The following ETNPPL variants were observed in gnomAD, a reference collection of about 807,000 sequenced individuals.
The protein encoded by ETNPPL is alanine--glyoxylate aminotransferase 2-like 1.
A neutral mutation model predicts 55.5 loss-of-function variants in ETNPPL; 30 were observed. The ratio of observed to expected loss-of-function variants is 0.54; its 90% CI spans 0.40 to 0.73. ETNPPL has a LOEUF of 0.73. Among genes scored for constraint, ETNPPL ranks in the 30% least tolerant of loss-of-function variants. The pLI is 0.00. For missense variants in ETNPPL, 528 were observed against 607.9 expected, an observed-to-expected ratio of 0.87 and a Z score of 1.38; for synonymous variants, 202 against 207.2, an observed-to-expected ratio of 0.98 and a Z score of 0.21.
In ETNPPL at chr4:108,762,861, A is replaced by G. The variant is rs764517166; in HGVS notation, c.38T>C (p.Leu13Pro). ...CCCTTACCCGATGTGCTTCTTCCTC[A>G]GCCCCAGAGTGTCCCGCTTACTGTA... ...ELYSKRDTLG[L>P]RKKHIGPSCK... The change falls in exon 1 of 13, where the codon CTG becomes CCG. Residue 13 changes from leucine (L) to proline (P), a missense_variant. Coordinates refer to ENST00000296486, the MANE Select transcript of ETNPPL (RefSeq NM_031279.4). The G allele has an allele frequency of 1.2e-4, 187 of 1,613,954 alleles. No homozygotes were observed. The highest frequency in any genetic ancestry group is 1.5e-4 in the Non-Finnish European group (176 of 1,179,952).
chr4:108,753,758 A>AAGAAAGAG (rs1729031837), intron 5 of ETNPPL, among the ~76,000 whole-genome samples: 2 of 119,354 alleles, frequency 1.7e-5, no homozygotes, highest in Non-Finnish European at 3.3e-5. Flanking sequence ...ATAAGAAAGA[A>AAGAAAGAG]AGAAAGAAAG....
rs1422247092 is a variant in ETNPPL at position 108,756,426 on chromosome 4, A to G, written c.402T>C (p.Thr134=). The stretch of plus-strand genomic sequence containing the variant: ...TTGTGTCCAAGACTTACTGGTCAAG[A>G]GTGATCACATCCTGGTGGCCTCTGA... ...RQFRGHQDVI[T]LDHAYHGHLS... is the part of the protein sequence containing the mutation. Residue 134 remains threonine (T), a synonymous_variant, in exon 4 of 13, where the codon ACT becomes ACC. Coordinates refer to ENST00000296486, the MANE Select transcript of ETNPPL (RefSeq NM_031279.4). 5 of 1,613,300 alleles carry G rather than the reference A, an allele frequency of 3.1e-6. No homozygotes were observed. The highest frequency in any genetic ancestry group is 2.5e-6 in the Non-Finnish European group (3 of 1,179,340).
chr4:108,753,749 TAAGAAAGAAAGAAAGA>T (rs758544848), intron 5 of ETNPPL, among the ~76,000 whole-genome samples: 30 of 76,766 alleles, frequency 3.9e-4, no homozygotes, highest in South Asian at 1.1e-3. Context: ...CTCAAATAAA[TAAGAAAGAAAGAAAGA>T]AAGAAAGAAA....
rs1728791102 is a variant in ETNPPL at position 108,749,465 on chromosome 4, T to A, written c.702-2A>T. The A allele has an allele frequency of 1.9e-6, 3 of 1,612,294 alleles. No homozygotes were observed. The highest frequency in any genetic ancestry group is 2.2e-5 in the East Asian group (1 of 44,810). ...ACACCCCCTGCACCGTGTACATATC[T>A]GAAAAGCAAAGCGGCAGTCTAATGC... On this transcript the variant is annotated splice_acceptor_variant, in intron 7 of 12. Coordinates refer to ENST00000296486, the MANE Select transcript of ETNPPL (RefSeq NM_031279.4). LOFTEE classifies it high-confidence loss of function.
At chr4:108,753,748 A>AAAGAAAGAAAGAAAGAAAGAAAG (rs1729025364) in intron 5 of ETNPPL, among the ~76,000 whole-genome samples, 1 of 38,886 alleles carries the variant, frequency 2.6e-5, no homozygotes, top group East Asian at 8.3e-4. Context: ...TCTCAAATAA[A>AAAGAAAGAAAGAAAGAAAGAAAG]TAAGAAAGAA....
chr4:108,756,499 A>G lies in ETNPPL; in HGVS notation c.336-7T>C. 2 of 1,608,804 alleles carry G rather than the reference A, an allele frequency of 1.2e-6. No individual in the cohort carries two copies. Among genetic ancestry groups the G allele is most frequent in the Non-Finnish European group, 1.7e-6 (2 of 1,175,136 alleles). On this transcript the variant is annotated splice_region_variant and splice_polypyrimidine_tract_variant and intron_variant, in intron 3 of 12. Coordinates refer to ENST00000296486, the MANE Select transcript of ETNPPL (RefSeq NM_031279.4). Reference sequence around the variant, plus strand: ...TAAGTCGTTGGCTTCGGATCTATTAAGATAACATAGAGAGAGAGGACACTG... The same window carrying G: ...TAAGTCGTTGGCTTCGGATCTATTAGGATAACATAGAGAGAGAGGACACTG...
intron 2 of ETNPPL, 120 bp downstream of exon 2, chr4:108,760,068 C>T (rs1429746401): frequency 6.8e-6 from 7 of 1,034,906 alleles, no homozygotes; most frequent in Non-Finnish European, 1.0e-5. Context: ...ACTAGGACTA[C>T]TGGCCCACTC....
Position 108,749,516 on chromosome 4 carries a change from C to T in ETNPPL, c.702-53G>A, listed in dbSNP as rs191628719. The stretch of plus-strand genomic sequence containing the variant: ...CTTCAGGTCACTGAGATCCCCAAAC[C>T]CACCCACAAAGATGCAAATTATTGA... On this transcript the variant is annotated intron_variant, in intron 7 of 12. Coordinates refer to ENST00000296486, the MANE Select transcript of ETNPPL (RefSeq NM_031279.4). The T allele has an allele frequency of 8.0e-5, 108 of 1,358,108 alleles. No homozygotes were observed. The African/African-American group carries it at 1.3e-3, about 16-fold the overall frequency. 84.1% of individuals were successfully genotyped at this position (1,358,108 alleles called of 1,614,324 possible).
At chr4:108,757,431 G>A (rs1337595519) in intron 3 of ETNPPL, among the ~76,000 whole-genome samples, 1 of 152,128 alleles carries the variant, frequency 6.6e-6, no homozygotes, top group Non-Finnish European at 1.5e-5. Flanking sequence ...TAGCTAATAT[G>A]AGGTAGAGCA....
At chr4:108,750,481 ATACT>A (rs922180418) in intron 7 of ETNPPL, among the ~76,000 whole-genome samples, 11 of 140,048 alleles carry the variant, frequency 7.9e-5, no homozygotes, top group Non-Finnish European at 1.7e-4. Flanking sequence ...ATGTAAGTTA[ATACT>A]TAATACCGCC....
intron 4 of ETNPPL, among the ~76,000 whole-genome samples, chr4:108,754,994 T>C (rs890439307): frequency 2.6e-5 from 4 of 152,236 alleles, no homozygotes; most frequent in African/African-American, 9.6e-5. Context: ...TTGGATTATA[T>C]TGCTAAATTA....
chr4:108,762,979 G>T lies in ETNPPL; in HGVS notation c.-81C>A, dbSNP rs1729595072. 7.3e-7 allele frequency: 1 copy of T among 1,369,526 alleles called. No homozygotes were observed. The highest frequency in any genetic ancestry group is 1.0e-6 in the Non-Finnish European group (1 of 968,920). The allele number at this position is 1,369,526 out of a possible 1,614,324, so 84.8% of individuals were successfully genotyped here. The stretch of plus-strand genomic sequence containing the variant: ...TACGCGAGCCTGGGACTGCCTTGGC[G>T]GCCCCGGCCGGCCTTCCTCCCGTTA... On this transcript the variant is annotated 5_prime_UTR_variant, in exon 1 of 13. Transcript: ENST00000296486.
chr4:108,750,176 C>T (rs1385725488), intron 7 of ETNPPL, among the ~76,000 whole-genome samples: 1 of 152,124 alleles, frequency 6.6e-6, no homozygotes, highest in Non-Finnish European at 1.5e-5. Flanking sequence ...TCCTGGGTTC[C>T]TGGGTATGTC....
In ETNPPL at chr4:108,745,599, A is replaced by C. The variant is rs1220508334; in HGVS notation, c.1303+800T>G. 2.0e-5 allele frequency among the ~76,000 whole-genome samples: 3 copies of C among 151,434 alleles called. No individual in the cohort carries two copies. In the South Asian group the frequency reaches 6.3e-4, roughly 32 times the overall value. On this transcript the variant is annotated intron_variant, in intron 11 of 12. Coordinates refer to ENST00000296486, the MANE Select transcript of ETNPPL (RefSeq NM_031279.4). ...ACACAGCAAGACTCTGTCTCAGAAA[A>C]TAAATAAATAAATAAAAATTTAAAA...
chr4:108,747,171 TA>T (rs1728604254), intron 9 of ETNPPL, among the ~76,000 whole-genome samples: 1 of 13,494 alleles, frequency 7.4e-5, no homozygotes, highest in South Asian at 3.4e-3. Flanking sequence ...ATATTATATA[TA>T]TATATATAAT....
At position 108,748,163 on chromosome 4, in the gene ETNPPL, T is replaced by C. The variant is rs200158146; in HGVS notation, c.928-4A>G. 1 of 988,432 alleles carries C rather than the reference T, an allele frequency of 1.0e-6. No individual in the cohort carries two copies. Among genetic ancestry groups the C allele is most frequent in the East Asian group, 3.2e-5 (1 of 31,568 alleles). 61.2% of individuals were successfully genotyped at this position (988,432 alleles called of 1,614,324 possible). On this transcript the variant is annotated splice_polypyrimidine_tract_variant and splice_region_variant and intron_variant, in intron 8 of 12. Coordinates refer to ENST00000296486, the MANE Select transcript of ETNPPL (RefSeq NM_031279.4). ...AAGATACTGGATTTCCTCCATACTG[T>C]AAAAAAAAAAAAGACAAATGAGAAA...
intron 1 of ETNPPL, 76 bp downstream of exon 1, chr4:108,762,738 GCGGCTGCAGCGCATCGTTTGTTCCCTAGC>G: frequency 7.3e-7 from 1 of 1,373,378 alleles, no homozygotes; most frequent in Non-Finnish European, 1.0e-6. Context: ...GGCACGGAGT[GCGGCTGCAGCGCATCGTTTGTTCCCTAGC>G]CGGCTTTCTC....
intron 6 of ETNPPL, among the ~76,000 whole-genome samples, chr4:108,752,500 C>T (rs979329551): frequency 6.6e-6 from 1 of 152,130 alleles, no homozygotes; most frequent in African/African-American, 2.4e-5. Flanking sequence ...TCAAGAAGGT[C>T]GAAGTTCAAG....
At chr4:108,742,663 C>T (rs766856540) in intron 12 of ETNPPL, 51 bp from the exon 13 acceptor site, 1 of 1,609,176 alleles carries the variant, frequency 6.2e-7, no homozygotes, top group Admixed American at 1.7e-5. Flanking sequence ...CTAATCCAGC[C>T]TCCACAGGAC....
Sources: allele counts gnomAD v4.1 joint callset (sites outside exome capture counted in the v4.1 genomes callset), GRCh38; gene constraint gnomAD v4.1.1; transcripts MANE v1.5; gene names NCBI Gene and HGNC (gene_info 2026-07-23, HGNC 2026-07-21).